The following SLC7A8 variants were observed in gnomAD, a reference collection of about 807,000 sequenced individuals.
SLC7A8 encodes the protein large neutral amino acids transporter small subunit 2.
SLC7A8 carries 30 observed loss-of-function variants against 51.2 expected under a neutral mutation model. The ratio of observed to expected loss-of-function variants is 0.59; its 90% CI spans 0.44 to 0.80. The LOEUF (loss-of-function observed/expected upper bound fraction) is 0.80, where lower values mean the gene tolerates loss of function less well. Among genes scored for constraint, SLC7A8 ranks in the 30% least tolerant of loss-of-function variants. The probability of loss-of-function intolerance (pLI) is 0.00; values close to 1 mark genes in which losing one functional copy is unlikely to be tolerated. For synonymous variants in SLC7A8, 257 were observed against 275.8 expected, an observed-to-expected ratio of 0.93 and a Z score of 0.67; for missense variants, 612 against 674.4, an observed-to-expected ratio of 0.91 and a Z score of 1.03.
intron 3 of SLC7A8, among the ~76,000 whole-genome samples, chr14:23,151,264 A>C (rs1174846992): frequency 6.6e-6 from 1 of 152,178 alleles, no homozygotes; most frequent in Admixed American, 6.5e-5. Context: ...TACTGAATGG[A>C]AACGACAGAT....
rs183479437 is a variant in SLC7A8, at chr14:23,157,387, T to C, written c.508+7898A>G. 2.0e-5 allele frequency among the ~76,000 whole-genome samples: 3 copies of C among 152,344 alleles called. No homozygotes were observed. In the East Asian group the frequency reaches 5.8e-4, roughly 29 times the overall value. Reference sequence around the variant, plus strand: ...AATCATCTTTTCTTGCCTCTGATCTTATTCCCCTCACCAATCCATCCTTTA... The same window carrying C: ...AATCATCTTTTCTTGCCTCTGATCTCATTCCCCTCACCAATCCATCCTTTA... On this transcript the variant is annotated intron_variant, in intron 3 of 10. Coordinates refer to ENST00000316902, the MANE Select transcript of SLC7A8 (RefSeq NM_012244.4).
chr14:23,129,038 A>G (rs2048606978), intron 9 of SLC7A8, among the ~76,000 whole-genome samples: 1 of 152,104 alleles, frequency 6.6e-6, no homozygotes, highest in African/African-American at 2.4e-5. Flanking sequence ...TCGTAGGAGA[A>G]CTCATAATGC....
At chr14:23,149,192 G>A (rs556989688) in intron 3 of SLC7A8, among the ~76,000 whole-genome samples, 17 of 152,358 alleles carry the variant, frequency 1.1e-4, no homozygotes, top group Admixed American at 2.0e-4. Context: ...CCCACAGCTA[G>A]AGTGTTCCTA....
chr14:23,150,349 C>T (rs971544793), intron 3 of SLC7A8, among the ~76,000 whole-genome samples: 4 of 152,054 alleles, frequency 2.6e-5, no homozygotes, highest in Admixed American at 6.5e-5. Context: ...AACAAGTGAA[C>T]GGAGCTCAGA....
chr14:23,131,125 T>G (rs1010331190), intron 8 of SLC7A8, among the ~76,000 whole-genome samples: 3 of 152,144 alleles, frequency 2.0e-5, no homozygotes, highest in Non-Finnish European at 4.4e-5. Flanking sequence ...TGCAACCCTG[T>G]GGTAACAGGT....
chr14:23,140,385 G>T, intron 5 of SLC7A8, 86 bp downstream of exon 5: 1 of 1,371,008 alleles, frequency 7.3e-7, no homozygotes, highest in South Asian at 1.4e-5. Flanking sequence ...AAGGCGAGGT[G>T]GGCAATGGAC....
chr14:23,154,535 G>A (rs2048875307), intron 3 of SLC7A8: 18 of 957,910 alleles, frequency 1.9e-5, no homozygotes, highest in Non-Finnish European at 2.2e-5. Flanking sequence ...TCTAATTGTG[G>A]AAAAGCCGCT....
chr14:23,127,367 A>G (rs1332519143), intron 10 of SLC7A8, 24 bp from the exon 11 acceptor site: 1 of 1,610,530 alleles, frequency 6.2e-7, no homozygotes, highest in African/African-American at 1.3e-5. Context: ...TCACACAGAA[A>G]CCAGGCCAAT....
rs1459313688 is a variant in SLC7A8 at position 23,128,343 on chromosome 14, C to G, written c.1264-147G>C. On this transcript the variant is annotated intron_variant, in intron 9 of 10. Transcript: ENST00000316902. This position sits in a 1 kb window ranked among gnomAD's most constrained non-coding sequence, Gnocchi z 4.3. ...CTTCCCTCGGCTCTGTGGTCCCACA[C>G]TCACCCCTGGTAGGGCAGGGGCTAT... 1.3e-6 allele frequency: 2 copies of G among 1,540,274 alleles called. No homozygotes were observed. Among genetic ancestry groups the G allele is most frequent in the East Asian group, 2.4e-5 (1 of 40,948 alleles).
In SLC7A8 at chr14:23,180,890, G is replaced by A. The variant is rs563695002; in HGVS notation, c.151+1874C>T. 5.9e-5 allele frequency among the ~76,000 whole-genome samples: 9 copies of A among 152,160 alleles called. No homozygotes were observed. In the South Asian group the frequency reaches 8.3e-4, roughly 14 times the overall value. The stretch of plus-strand genomic sequence containing the variant: ...AATACAAAAAAAATTAGCAGGGCGT[G>A]GTGGTGGGCGCCTGTAGTCCCAGCT... On this transcript the variant is annotated intron_variant, in intron 1 of 10. Transcript: ENST00000316902.
intron 7 of SLC7A8, among the ~76,000 whole-genome samples, chr14:23,132,718 C>T (rs1020942205): frequency 6.6e-6 from 1 of 151,846 alleles, no homozygotes; most frequent in Non-Finnish European, 1.5e-5. Context: ...TCACCGCAAC[C>T]TCCGCCTCCC....
chr14:23,126,943 G>A lies in SLC7A8; in HGVS notation c.*234C>T. On this transcript the variant is annotated 3_prime_UTR_variant, in exon 11 of 11. Transcript: ENST00000316902. The stretch of plus-strand genomic sequence containing the variant: ...CCCCTCTCCTCCAGCAGCTGGGAGT[G>A]TGGGCAGCACTGGAGTGGGGCCTGG... 1.8e-6 allele frequency: 1 copy of A among 552,764 alleles called. No individual in the cohort carries two copies. The allele number at this position is 552,764 out of a possible 1,614,324, so 34.2% of individuals were successfully genotyped here.
At chr14:23,151,721 G>A (rs1359801962) in intron 3 of SLC7A8, among the ~76,000 whole-genome samples, 2 of 142,438 alleles carry the variant, frequency 1.4e-5, no homozygotes, top group Non-Finnish European at 3.0e-5. Context: ...TTGTGCCATT[G>A]CATGCTGGCC....
chr14:23,165,251 G>C lies in SLC7A8; in HGVS notation c.508+34C>G. Reference sequence around the variant, plus strand: ...AATAATAATAAATATAATAAAAGAGGCTGTCTTGCTACCAAGACCCAGATG... The same window carrying C: ...AATAATAATAAATATAATAAAAGAGCCTGTCTTGCTACCAAGACCCAGATG... On this transcript the variant is annotated intron_variant, in intron 3 of 10. Coordinates refer to ENST00000316902, the MANE Select transcript of SLC7A8 (RefSeq NM_012244.4). The surrounding 1 kb of genome is among the most constrained non-coding windows in gnomAD (Gnocchi z 4.2). 3 of 1,569,250 alleles carry C rather than the reference G, an allele frequency of 1.9e-6. No individual in the cohort carries two copies. Among genetic ancestry groups the C allele is most frequent in the East Asian group, 2.4e-5 (1 of 42,162 alleles).
At chr14:23,139,038 T>C (rs573793771) in intron 6 of SLC7A8, among the ~76,000 whole-genome samples, 1 of 152,344 alleles carries the variant, frequency 6.6e-6, no homozygotes, top group East Asian at 1.9e-4. Context: ...GCATGTCTTG[T>C]GCAAGATTAT....
intron 1 of SLC7A8, among the ~76,000 whole-genome samples, chr14:23,180,512 T>A (rs77859252): frequency 1.1e-4 from 16 of 152,224 alleles, no homozygotes; most frequent in Non-Finnish European, 1.5e-4. Context: ...AGGATTCTCA[T>A]GTTTTGCAAA....
At chr14:23,161,925 TAA>T (rs34382575) in intron 3 of SLC7A8, among the ~76,000 whole-genome samples, 5,790 of 107,050 alleles carry the variant, frequency 0.054, 608 homozygotes, top group African/African-American at 0.2. Context: ...AGACTCCATC[TAA>T]AAAAAAAAAA....
intron 3 of SLC7A8, among the ~76,000 whole-genome samples, chr14:23,148,362 G>T (rs1481217014): frequency 6.6e-6 from 1 of 152,130 alleles, no homozygotes; most frequent in African/African-American, 2.4e-5. Flanking sequence ...CCAAGTAGCT[G>T]GGATTACAGG....
intron 1 of SLC7A8, among the ~76,000 whole-genome samples, chr14:23,182,169 C>T (rs1191824412): frequency 6.6e-6 from 1 of 152,166 alleles, no homozygotes; most frequent in East Asian, 1.9e-4. Flanking sequence ...CAATCTGTCC[C>T]CTCTTTTCTT....
Sources: allele counts gnomAD v4.1 joint callset (sites outside exome capture counted in the v4.1 genomes callset), GRCh38; gene constraint gnomAD v4.1.1; non-coding constraint Gnocchi (gnomAD v3.1); transcripts MANE v1.5; gene names NCBI Gene and HGNC (gene_info 2026-07-23, HGNC 2026-07-21).